The following MCC variants were observed in gnomAD, a reference collection of about 807,000 sequenced individuals.
MCC encodes colorectal mutant cancer protein.
MCC carries 90 observed loss-of-function variants against 116.2 expected under a neutral mutation model. That is an observed-to-expected ratio of 0.77 (90% CI 0.65 to 0.92). The LOEUF is 0.92. MCC is among the 40% of genes least tolerant of loss of function. MCC has a pLI of 0.00. For synonymous variants in MCC, 578 were observed against 510.5 expected (o/e 1.13, Z -1.78); for missense variants, 1,516 against 1,312.2 (o/e 1.16, Z -2.40).
chr5:113,299,793 A>G (rs1766814604), intron 3 of MCC, among the ~76,000 whole-genome samples: 1 of 152,224 alleles, frequency 6.6e-6, no homozygotes, highest in Admixed American at 6.5e-5. Flanking sequence ...AGGAGGTGGC[A>G]GGGGAATTTA....
chr5:113,073,521 C>T (rs1361738495), intron 11 of MCC, among the ~76,000 whole-genome samples: 2 of 152,224 alleles, frequency 1.3e-5, no homozygotes, highest in Non-Finnish European at 2.9e-5. Context: ...GCTGAGCCAG[C>T]CCCTGCTCTG....
At chr5:113,335,568 T>C (rs1189439029) in intron 3 of MCC, among the ~76,000 whole-genome samples, 10 of 151,766 alleles carry the variant, frequency 6.6e-5, no homozygotes, top group Non-Finnish European at 8.8e-5. Flanking sequence ...TAATTTATAC[T>C]AGCATTATTT....
chr5:113,415,356 G>A (rs1421545079), intron 1 of MCC, among the ~76,000 whole-genome samples: 2 of 152,180 alleles, frequency 1.3e-5, no homozygotes, highest in Admixed American at 1.3e-4. Context: ...ATATCCTGAA[G>A]AATGTTTTCC....
chr5:113,249,122 G>A (rs1271986937), intron 3 of MCC, among the ~76,000 whole-genome samples: 6 of 148,462 alleles, frequency 4.0e-5, no homozygotes, highest in African/African-American at 1.5e-4. Context: ...GATTACAGGC[G>A]TGAGCCACCG....
chr5:113,221,782 C>T (rs553789172), intron 3 of MCC, among the ~76,000 whole-genome samples: 29 of 152,260 alleles, frequency 1.9e-4, no homozygotes, highest in Admixed American at 1.2e-3. Flanking sequence ...TCAGAACTCC[C>T]GATTCACTGC....
At chr5:113,363,897 C>A (rs1180315018) in intron 2 of MCC, among the ~76,000 whole-genome samples, 1 of 152,116 alleles carries the variant, frequency 6.6e-6, no homozygotes, top group Admixed American at 6.5e-5. Context: ...AGTACAAGCA[C>A]TAGGTAAATA....
intron 3 of MCC, among the ~76,000 whole-genome samples, chr5:113,278,117 G>C (rs993955871): frequency 6.6e-6 from 1 of 152,074 alleles, no homozygotes; most frequent in Admixed American, 6.6e-5. Context: ...ATGACAACAT[G>C]GTCTGAGAAA....
chr5:113,396,598 T>G (rs982264257), intron 1 of MCC, among the ~76,000 whole-genome samples: 10 of 152,170 alleles, frequency 6.6e-5, no homozygotes, highest in East Asian at 1.9e-4. Flanking sequence ...ATCGCGCCTC[T>G]GCACTCCAGC....
chr5:113,438,818 A>C (rs1228260585), intron 1 of MCC, among the ~76,000 whole-genome samples: 2 of 152,252 alleles, frequency 1.3e-5, no homozygotes, highest in Non-Finnish European at 2.9e-5. Context: ...AACCACTAGA[A>C]TATAGATATG....
intron 1 of MCC, among the ~76,000 whole-genome samples, chr5:113,477,651 T>G (rs1200661723): frequency 6.6e-6 from 1 of 152,096 alleles, no homozygotes; most frequent in Non-Finnish European, 1.5e-5. Context: ...CAAGGCAGAT[T>G]AAATTTGTGG....
At chr5:113,180,019 T>C (rs928350741) in intron 3 of MCC, among the ~76,000 whole-genome samples, 6 of 152,096 alleles carry the variant, frequency 3.9e-5, no homozygotes, top group African/African-American at 7.2e-5. Flanking sequence ...GCCCTAGAGA[T>C]TTCTATTCTC....
intron 1 of MCC, among the ~76,000 whole-genome samples, chr5:113,428,117 T>C (rs557720268): frequency 5.2e-4 from 79 of 152,262 alleles, no homozygotes; most frequent in African/African-American, 1.9e-3. Context: ...GCATTTTAAT[T>C]CTACAACTAT....
chr5:113,444,335 G>T (rs2150416985), intron 1 of MCC, among the ~76,000 whole-genome samples: 1 of 152,220 alleles, frequency 6.6e-6, no homozygotes, highest in Non-Finnish European at 1.5e-5. Flanking sequence ...AGAAGAGACA[G>T]ATACTGTAGT....
At chr5:113,213,523 T>C (rs1015061046) in intron 3 of MCC, among the ~76,000 whole-genome samples, 1 of 152,146 alleles carries the variant, frequency 6.6e-6, no homozygotes, top group Non-Finnish European at 1.5e-5. Flanking sequence ...TATTTAGTCA[T>C]AAAAGAGAAC....
At chr5:113,483,135 A>G (rs1772422653) in intron 1 of MCC, among the ~76,000 whole-genome samples, 1 of 152,170 alleles carries the variant, frequency 6.6e-6, no homozygotes, top group South Asian at 2.1e-4. Context: ...CTATTTGTGT[A>G]TCGTTATGCT....
chr5:113,436,938 T>C (rs1770881800), intron 1 of MCC: 1 of 152,224 alleles, frequency 6.6e-6, no homozygotes, highest in Non-Finnish European at 1.5e-5. Context: ...AACCAATGTA[T>C]ACCTTACATA....
chr5:113,110,094 C>T (rs933015766), intron 6 of MCC, among the ~76,000 whole-genome samples: 2 of 152,168 alleles, frequency 1.3e-5, no homozygotes, highest in African/African-American at 4.8e-5. Flanking sequence ...GCTGGGGTTA[C>T]AGGCGTGAGC....
chr5:113,427,924 A>C (rs1411750092), intron 1 of MCC, among the ~76,000 whole-genome samples: 1 of 152,206 alleles, frequency 6.6e-6, no homozygotes, highest in African/African-American at 2.4e-5. Flanking sequence ...AGGAAAAAAA[A>C]TCCAGGAAGG....
At chr5:113,430,064 TG>T (rs1178483305) in intron 1 of MCC, among the ~76,000 whole-genome samples, 1 of 152,234 alleles carries the variant, frequency 6.6e-6, no homozygotes, top group African/African-American at 2.4e-5. Flanking sequence ...TTCCCTTCTA[TG>T]GATCCAAGCA....
Sources: gnomAD v4.1 joint callset for allele counts (sites outside exome capture counted in the v4.1 genomes callset) on GRCh38, gnomAD v4.1.1 for gene constraint, MANE v1.5 for transcripts, NCBI Gene and HGNC (gene_info 2026-07-23, HGNC 2026-07-21) for gene names.